Variants in SMYD3 observed in about 807,000 individuals in gnomAD.
The protein encoded by SMYD3 is SET and MYND domain containing 3.
In SMYD3, 36 loss-of-function variants were observed where a neutral mutation model predicts 57.7. The observed-to-expected ratio is 0.62, with a 90% confidence interval of 0.48 to 0.82. The LOEUF (loss-of-function observed/expected upper bound fraction) is 0.82. Ranked by LOEUF, SMYD3 falls within the 40% of genes least tolerant of loss-of-function variation. The pLI is 0.00. For synonymous variants in SMYD3, 211 were observed against 195.0 expected (o/e 1.08, Z -0.68); for missense variants, 515 against 538.8 (o/e 0.96, Z 0.44).
chr1:246,127,391 T>C (rs2148052844), intron 5 of SMYD3, among the ~76,000 whole-genome samples: 1 of 152,296 alleles, frequency 6.6e-6, no homozygotes, highest in South Asian at 2.1e-4. Context: ...ACTAGCATTT[T>C]AGTGTGATGA....
At chr1:246,267,517 A>G (rs1377684459) in intron 5 of SMYD3, among the ~76,000 whole-genome samples, 1 of 152,230 alleles carries the variant, frequency 6.6e-6, no homozygotes, top group African/African-American at 2.4e-5. Flanking sequence ...CCTCGTCCTC[A>G]AATGCCAGCA....
chr1:246,064,438 C>A (rs182865204), intron 5 of SMYD3, among the ~76,000 whole-genome samples: 1 of 152,276 alleles, frequency 6.6e-6, no homozygotes, highest in East Asian at 1.9e-4. Context: ...TGTCCTCTAC[C>A]TAGAATGCAT....
intron 5 of SMYD3, among the ~76,000 whole-genome samples, chr1:246,054,324 C>T (rs1182637200): frequency 6.6e-6 from 1 of 152,154 alleles, no homozygotes; most frequent in Non-Finnish European, 1.5e-5. Context: ...CTGGGGGGAA[C>T]ACGAAAAGTC....
intron 7 of SMYD3, among the ~76,000 whole-genome samples, chr1:245,923,909 C>A (rs972921551): frequency 3.9e-5 from 6 of 152,190 alleles, no homozygotes; most frequent in Non-Finnish European, 5.9e-5. Context: ...ATCCAGTAAA[C>A]ATGCAGTGAA....
chr1:246,068,440 C>T lies in SMYD3; in HGVS notation c.532-138503G>A, dbSNP rs370908848. 6.1e-4 allele frequency among the ~76,000 whole-genome samples: 93 copies of T among 152,228 alleles called. 3 individuals carry two copies. The highest frequency in any genetic ancestry group is 1.8e-3 in the African/African-American group (75 of 41,550). On this transcript the variant is annotated intron_variant, in intron 5 of 11. Transcript: ENST00000490107. ...AGTCTTCTGACAACACAATCAAAAA[C>T]GAATAGTCAGAAGTAATGATGATCT...
At chr1:246,150,291 T>C (rs972975081) in intron 5 of SMYD3, among the ~76,000 whole-genome samples, 3 of 152,218 alleles carry the variant, frequency 2.0e-5, no homozygotes, top group African/African-American at 7.2e-5. Flanking sequence ...CAGATCACAT[T>C]TCTTGGCCAT....
intron 5 of SMYD3, among the ~76,000 whole-genome samples, chr1:246,014,095 T>C (rs906040770): frequency 2.0e-5 from 3 of 152,146 alleles, no homozygotes; most frequent in East Asian, 3.9e-4. Flanking sequence ...GAGGCCATGG[T>C]GGGCGGATCA....
At chr1:246,242,403 G>C (rs10924605) in intron 5 of SMYD3, among the ~76,000 whole-genome samples, 31,500 of 152,046 alleles carry the variant, frequency 0.21, 3,959 homozygotes, top group East Asian at 0.58. Flanking sequence ...GAGCGGTTTT[G>C]AGTGAGTTTC....
chr1:246,250,735 T>A (rs2063785118), intron 5 of SMYD3, among the ~76,000 whole-genome samples: 1 of 152,138 alleles, frequency 6.6e-6, no homozygotes, highest in African/African-American at 2.4e-5. Flanking sequence ...ATATGAAACT[T>A]TGGACAATAA....
intron 10 of SMYD3, among the ~76,000 whole-genome samples, chr1:245,803,118 G>A (rs1324096454): frequency 6.6e-6 from 1 of 152,148 alleles, no homozygotes; most frequent in Non-Finnish European, 1.5e-5. Context: ...TGATTCACAG[G>A]ACCTAATTTA....
At chr1:246,396,511 A>G (rs2066675372) in intron 1 of SMYD3, among the ~76,000 whole-genome samples, 1 of 152,218 alleles carries the variant, frequency 6.6e-6, no homozygotes, top group Admixed American at 6.5e-5. Flanking sequence ...TAACTTTCCT[A>G]AGACCAAAGA....
intron 8 of SMYD3, among the ~76,000 whole-genome samples, chr1:245,899,457 C>G (rs2054044482): frequency 6.6e-6 from 1 of 152,172 alleles, no homozygotes; most frequent in South Asian, 2.1e-4. Context: ...GGGAGGGGCC[C>G]TATGGCTGTC....
At chr1:245,889,575 G>T (rs1416087597) in intron 8 of SMYD3, among the ~76,000 whole-genome samples, 1 of 152,126 alleles carries the variant, frequency 6.6e-6, no homozygotes, top group Non-Finnish European at 1.5e-5. Context: ...GCCTTGTCTG[G>T]TCTCTGTCCC....
chr1:246,499,785 AAAC>A (rs2068429212), intron 1 of SMYD3, among the ~76,000 whole-genome samples: 2 of 152,158 alleles, frequency 1.3e-5, no homozygotes, highest in African/African-American at 2.4e-5. Flanking sequence ...GGTATTTTCA[AAAC>A]TTAGTTTTAA....
intron 5 of SMYD3, among the ~76,000 whole-genome samples, chr1:246,274,905 T>C (rs966675566): frequency 6.6e-6 from 1 of 152,170 alleles, no homozygotes; most frequent in South Asian, 2.1e-4. Context: ...TCACATTTTA[T>C]GGAATCTATC....
At chr1:246,189,780 G>A (rs962855725) in intron 5 of SMYD3, among the ~76,000 whole-genome samples, 4 of 152,130 alleles carry the variant, frequency 2.6e-5, no homozygotes, top group African/African-American at 9.7e-5. Flanking sequence ...AAGACATATT[G>A]AAACTCCATC....
intron 1 of SMYD3, among the ~76,000 whole-genome samples, chr1:246,473,153 G>A (rs1219172944): frequency 6.6e-6 from 1 of 151,906 alleles, no homozygotes; most frequent in Non-Finnish European, 1.5e-5. Context: ...CACTGCACCC[G>A]GCCTAATGAA....
intron 1 of SMYD3, among the ~76,000 whole-genome samples, chr1:246,448,921 CT>C (rs2103027244): frequency 6.6e-6 from 1 of 152,136 alleles, no homozygotes; most frequent in East Asian, 1.9e-4. Context: ...GAAACCTTCC[CT>C]TTTTTCCACT....
At chr1:245,934,293 GC>G (rs1307825911) in intron 5 of SMYD3, among the ~76,000 whole-genome samples, 1 of 152,168 alleles carries the variant, frequency 6.6e-6, no homozygotes, top group Non-Finnish European at 1.5e-5. Context: ...AGAAGCAGAA[GC>G]TTTTACACTA....
Sources: allele counts gnomAD v4.1 joint callset (sites outside exome capture counted in the v4.1 genomes callset), GRCh38; gene constraint gnomAD v4.1.1; transcripts MANE v1.5; gene names NCBI Gene and HGNC (gene_info 2026-07-23, HGNC 2026-07-21).